Variants in CLEC16A observed in about 807,000 individuals in gnomAD.
The protein encoded by CLEC16A is protein CLEC16A.
Under a neutral mutation model 109.5 loss-of-function variants are expected in CLEC16A, and 51 were observed. That is an observed-to-expected ratio of 0.47 (90% CI 0.37 to 0.59). CLEC16A has a LOEUF of 0.59. Ranked by LOEUF, CLEC16A falls within the 20% of genes least tolerant of loss-of-function variation. CLEC16A has a pLI of 0.00. For synonymous variants in CLEC16A, 673 were observed against 564.2 expected (o/e 1.19, Z -2.73); for missense variants, 1,339 against 1,394.0 (o/e 0.96, Z 0.63).
At chr16:10,987,809 T>C (rs1487094961) in intron 10 of CLEC16A, among the ~76,000 whole-genome samples, 1 of 152,230 alleles carries the variant, frequency 6.6e-6, no homozygotes, top group Non-Finnish European at 1.5e-5. Flanking sequence ...GTTTTAAGTT[T>C]CTTGGTCTTT....
Position 11,003,161 on chromosome 16 carries a change from G to A in CLEC16A, c.1159G>A (p.Val387Met), listed in dbSNP as rs1254461796. 6.2e-7 allele frequency: 1 copy of A among 1,613,510 alleles called. No homozygotes were observed. Among genetic ancestry groups the A allele is most frequent in the East Asian group, 2.2e-5 (1 of 44,852 alleles). ...EMNKHKGKRR[V>M]QKRPNYKNVG... ...GAACAAGCACAAGGGCAAGAGGCGG[G>A]TGCAAAAGAGACCCAACTACAAAAA... is the stretch of plus-strand genomic sequence containing the variant. The change falls in exon 11 of 24, where the codon GTG becomes ATG. Residue 387 changes from valine to methionine, a missense_variant. Val to Met is a conservative substitution (Grantham distance 21). Coordinates refer to ENST00000409790, the MANE Select transcript of CLEC16A (RefSeq NM_015226.3).
intron 13 of CLEC16A, among the ~76,000 whole-genome samples, chr16:11,036,273 C>G (rs1301809832): frequency 6.6e-6 from 1 of 152,058 alleles, no homozygotes; most frequent in Non-Finnish European, 1.5e-5. Flanking sequence ...GTCCCTTCCC[C>G]CATCCTCCAC....
rs941095898 is a variant in CLEC16A at position 10,964,338 on chromosome 16, A to G, written c.343+1750A>G. On this transcript the variant is annotated intron_variant, in intron 3 of 23. Coordinates refer to ENST00000409790, the MANE Select transcript of CLEC16A (RefSeq NM_015226.3). The stretch of plus-strand genomic sequence containing the variant: ...TGGATGTGAAATGACTGCGGTTTCT[A>G]AAAGCTCTGAGGGGAAGATCCAGCT... Among the ~76,000 whole-genome samples, 6 of 152,212 alleles carry G rather than the reference A, an allele frequency of 3.9e-5. No homozygotes were observed. In the South Asian group the frequency reaches 6.2e-4, roughly 16 times the overall value.
chr16:11,149,952 C>G (rs981416521), intron 22 of CLEC16A: 1 of 152,226 alleles, frequency 6.6e-6, no homozygotes, highest in South Asian at 2.1e-4. Context: ...AGCCACCACC[C>G]CTTCTCTGCA....
At chr16:11,128,156 A>G (rs1364425994) in intron 22 of CLEC16A, among the ~76,000 whole-genome samples, 2 of 152,248 alleles carry the variant, frequency 1.3e-5, no homozygotes, top group African/African-American at 4.8e-5. Context: ...AGAAAAGCCC[A>G]GGCCTTATTT....
chr16:10,988,909 C>A (rs1463087435), intron 10 of CLEC16A, among the ~76,000 whole-genome samples: 1 of 152,160 alleles, frequency 6.6e-6, no homozygotes, highest in East Asian at 1.9e-4. Flanking sequence ...ACCTTAGTTC[C>A]TAAGGCTGCG....
chr16:10,996,538 G>A (rs1454007835), intron 10 of CLEC16A, among the ~76,000 whole-genome samples: 1 of 152,182 alleles, frequency 6.6e-6, no homozygotes, highest in Non-Finnish European at 1.5e-5. Context: ...CTGAAGTCCT[G>A]TTGACATCCA....
intron 10 of CLEC16A, among the ~76,000 whole-genome samples, chr16:10,984,202 A>G (rs2043491051): frequency 6.6e-6 from 1 of 152,158 alleles, no homozygotes; most frequent in Admixed American, 6.5e-5. Flanking sequence ...TGCATGGAGT[A>G]CAATTACAAG....
intron 17 of CLEC16A, among the ~76,000 whole-genome samples, chr16:11,051,294 C>G (rs1408481689): frequency 6.6e-6 from 1 of 152,208 alleles, no homozygotes; most frequent in Non-Finnish European, 1.5e-5. Flanking sequence ...GCTGCTGCTT[C>G]AATTAAAGGA....
intron 19 of CLEC16A, among the ~76,000 whole-genome samples, chr16:11,108,242 T>C (rs1372448173): frequency 6.6e-6 from 1 of 152,178 alleles, no homozygotes; most frequent in Non-Finnish European, 1.5e-5. Flanking sequence ...AGCTTCAGTC[T>C]CTCCTGCATG....
At chr16:11,073,561 G>T (rs978369435) in intron 19 of CLEC16A, among the ~76,000 whole-genome samples, 4 of 152,072 alleles carry the variant, frequency 2.6e-5, no homozygotes, top group Non-Finnish European at 5.9e-5. Context: ...TCAGATCCTC[G>T]CAGTGCAGCG....
At chr16:11,143,356 C>T (rs1222738126) in intron 22 of CLEC16A, among the ~76,000 whole-genome samples, 6 of 152,130 alleles carry the variant, frequency 3.9e-5, no homozygotes, top group Admixed American at 1.3e-4. Flanking sequence ...GCACCAGGTT[C>T]CAGAGGCTGA....
intron 5 of CLEC16A, 175 bp downstream of exon 5, chr16:10,971,405 T>C (rs554994812): frequency 2.3e-6 from 1 of 430,444 alleles, no homozygotes; most frequent in African/African-American, 2.2e-5. Flanking sequence ...TGGCCGCTCA[T>C]GGAAATCCTT....
chr16:11,173,915 T>C (rs545878655), intron 23 of CLEC16A, among the ~76,000 whole-genome samples: 4 of 152,006 alleles, frequency 2.6e-5, no homozygotes, highest in Non-Finnish European at 4.4e-5. Context: ...AGTGAACAAT[T>C]TGGTTCTCAG....
In CLEC16A at chr16:11,039,484, G is replaced by C. The variant is rs915606046; in HGVS notation, c.1538-270G>C. ...CCAGTCATGACAGCAGTTGCCAAGA[G>C]GGGACAGGCGCAGTGGCTCACAACA... On this transcript the variant is annotated intron_variant, in intron 13 of 23. Coordinates refer to ENST00000409790, the MANE Select transcript of CLEC16A (RefSeq NM_015226.3). Among the ~76,000 whole-genome samples, 8 of 152,270 alleles carry C rather than the reference G, an allele frequency of 5.3e-5. No individual in the cohort carries two copies. The South Asian group carries it at 1.5e-3, about 28-fold the overall frequency.
intron 10 of CLEC16A, among the ~76,000 whole-genome samples, chr16:10,987,879 T>C (rs551266234): frequency 6.6e-6 from 1 of 152,366 alleles, no homozygotes; most frequent in South Asian, 2.1e-4. Flanking sequence ...GCCTCATTTT[T>C]ACCAGCAGAC....
intron 3 of CLEC16A, among the ~76,000 whole-genome samples, chr16:10,966,034 C>G (rs1340990809): frequency 2.6e-5 from 4 of 152,146 alleles, no homozygotes; most frequent in Admixed American, 2.0e-4. Flanking sequence ...TCCTGCCAGC[C>G]CATTACCCCT....
intron 19 of CLEC16A, among the ~76,000 whole-genome samples, chr16:11,117,791 G>C (rs2052110426): frequency 6.6e-6 from 1 of 152,080 alleles, no homozygotes; most frequent in African/African-American, 2.4e-5. Context: ...CACTCAAATA[G>C]TTCTCCTGTT....
chr16:10,990,709 G>A (rs2043955794), intron 10 of CLEC16A, among the ~76,000 whole-genome samples: 2 of 152,234 alleles, frequency 1.3e-5, no homozygotes, highest in Admixed American at 6.5e-5. Flanking sequence ...CACAGAATGG[G>A]CTTGGGGCAG....
Sources: allele counts gnomAD v4.1 joint callset (sites outside exome capture counted in the v4.1 genomes callset), GRCh38; gene constraint gnomAD v4.1.1; transcripts MANE v1.5; gene names NCBI Gene and HGNC (gene_info 2026-07-23, HGNC 2026-07-21).